The following CDC42SE2 variants were observed in gnomAD, a reference collection of about 807,000 sequenced individuals.
CDC42SE2 encodes CDC42 small effector protein 2.
In CDC42SE2, 3 loss-of-function variants were observed where a neutral mutation model predicts 11.5. That is an observed-to-expected ratio of 0.26 (90% confidence interval 0.12 to 0.67). The LOEUF (loss-of-function observed/expected upper bound fraction) is 0.67. CDC42SE2 is among the 30% of genes least tolerant of loss of function. The pLI, the probability that CDC42SE2 is intolerant of heterozygous loss-of-function variation, is 0.80. For synonymous variants in CDC42SE2, 33 were observed against 34.8 expected, an observed-to-expected ratio of 0.95 and a Z score of 0.18; for missense variants, 82 against 106.8, an observed-to-expected ratio of 0.77 and a Z score of 1.02.
At chr5:131,269,038 C>T (rs1238126830) in intron 1 of CDC42SE2, among the ~76,000 whole-genome samples, 2 of 152,070 alleles carry the variant, frequency 1.3e-5, no homozygotes, top group Non-Finnish European at 2.9e-5. Context: ...CGTGAGCCAC[C>T]GTGCCAGGCG....
At chr5:131,240,260 G>A in the CDC42SE2 span, among the ~76,000 whole-genome samples, 249 of 152,152 alleles carry the variant, frequency 1.6e-3, 1 homozygote, top group African/African-American at 5.8e-3. Context: ...TTCCATTCTA[G>A]TCATTCATTC....
intron 2 of CDC42SE2, among the ~76,000 whole-genome samples, chr5:131,320,887 T>A (rs1020616197): frequency 6.6e-6 from 1 of 152,206 alleles, no homozygotes; most frequent in East Asian, 1.9e-4. Context: ...AGAAAATTAT[T>A]TTTTTTCTTT....
At chr5:131,272,124 C>T (rs1175130734) in intron 1 of CDC42SE2, among the ~76,000 whole-genome samples, 1 of 152,100 alleles carries the variant, frequency 6.6e-6, no homozygotes, top group Non-Finnish European at 1.5e-5. Flanking sequence ...GATTCTCCTG[C>T]CTCAGCCTCC....
At chr5:131,297,769 A>T (rs1444799813) in intron 1 of CDC42SE2, among the ~76,000 whole-genome samples, 1 of 151,842 alleles carries the variant, frequency 6.6e-6, no homozygotes, top group Non-Finnish European at 1.5e-5. Flanking sequence ...TATAAAAATT[A>T]TAAAAGTTAC....
chr5:131,351,345 C>G (rs972517274), intron 2 of CDC42SE2, among the ~76,000 whole-genome samples: 1 of 152,106 alleles, frequency 6.6e-6, no homozygotes, highest in African/African-American at 2.4e-5. Flanking sequence ...AGCTTTGCCT[C>G]CCGGGTTCAC....
chr5:131,239,748 G>A, the CDC42SE2 span, among the ~76,000 whole-genome samples: 1 of 152,102 alleles, frequency 6.6e-6, no homozygotes, highest in Admixed American at 6.5e-5. Context: ...TCACCATAGG[G>A]GTAGAATAAA....
At chr5:131,330,545 C>T (rs988167323) in intron 2 of CDC42SE2, among the ~76,000 whole-genome samples, 1 of 152,050 alleles carries the variant, frequency 6.6e-6, no homozygotes, top group Admixed American at 6.6e-5. Context: ...TATTTTTCCC[C>T]ATGACAGTGG....
At chr5:131,261,864 A>C (rs1002025531), upstream of CDC42SE2, among the ~76,000 whole-genome samples, 33 of 152,116 alleles carry the variant, frequency 2.2e-4, no homozygotes, top group African/African-American at 8.0e-4. Context: ...GTCTCAAAAA[A>C]AAAAAAAAAA....
At chr5:131,244,219 A>G (rs1476011094), upstream of CDC42SE2, among the ~76,000 whole-genome samples, 1 of 152,240 alleles carries the variant, frequency 6.6e-6, no homozygotes, top group East Asian at 1.9e-4. Context: ...ATGTAACTAC[A>G]AATACGATTA....
chr5:131,273,526 T>A (rs1757037144), intron 1 of CDC42SE2, among the ~76,000 whole-genome samples: 1 of 150,356 alleles, frequency 6.7e-6, no homozygotes, highest in African/African-American at 2.4e-5. Context: ...ATCCCAGCAC[T>A]TTGGGAGGCT....
upstream of CDC42SE2, among the ~76,000 whole-genome samples, chr5:131,260,375 C>T (rs1756713560): frequency 1.3e-5 from 2 of 152,182 alleles, no homozygotes; most frequent in East Asian, 3.8e-4. Context: ...GTAATCCCAG[C>T]GCTTTGGGAG....
Position 131,285,051 on chromosome 5 carries a change from G to T in CDC42SE2, c.-455+20885G>T, listed in dbSNP as rs1757312882. 2.0e-5 allele frequency among the ~76,000 whole-genome samples: 3 copies of T among 151,688 alleles called. No individual in the cohort carries two copies. In the South Asian group the frequency reaches 6.2e-4, roughly 32 times the overall value. On this transcript the variant is annotated intron_variant, in intron 1 of 4. Transcript: ENST00000505065. The stretch of plus-strand genomic sequence containing the variant: ...TCCTGTAATCCCAGCACTTTGGGAG[G>T]ACAAGGTGGGAGGATTGCTTGAGCC...
chr5:131,363,278 A>G (rs1490371458), intron 3 of CDC42SE2, among the ~76,000 whole-genome samples: 1 of 152,028 alleles, frequency 6.6e-6, no homozygotes, highest in Non-Finnish European at 1.5e-5. Context: ...AAAAAAAAAA[A>G]AAGCCACTTT....
the CDC42SE2 span, among the ~76,000 whole-genome samples, chr5:131,232,699 A>T: frequency 7.1e-6 from 1 of 141,228 alleles, no homozygotes; most frequent in Non-Finnish European, 1.5e-5. Context: ...ATGCCACTGC[A>T]CTCCAGCCTG....
At chr5:131,284,909 A>C (rs544571050) in intron 1 of CDC42SE2, among the ~76,000 whole-genome samples, 6 of 152,250 alleles carry the variant, frequency 3.9e-5, no homozygotes, top group Non-Finnish European at 7.4e-5. Flanking sequence ...AGTCCCAGCT[A>C]CATGGGAGGC....
chr5:131,333,845 A>T (rs1295561519), intron 2 of CDC42SE2, among the ~76,000 whole-genome samples: 1 of 152,210 alleles, frequency 6.6e-6, no homozygotes, highest in Non-Finnish European at 1.5e-5. Flanking sequence ...GTTGCTTATC[A>T]GCTTAAGGAG....
chr5:131,293,553 C>T (rs909768241), intron 1 of CDC42SE2, among the ~76,000 whole-genome samples: 6 of 136,720 alleles, frequency 4.4e-5, no homozygotes, highest in South Asian at 2.4e-4. Context: ...GCCTGGGTGA[C>T]GAGAGCAAAA....
chr5:131,317,314 A>G lies in CDC42SE2; in HGVS notation c.-286+1170A>G, dbSNP rs184779678. ...CCTTTATGTTTGAGTATTGGCTTTCAATCTAATAAATGGAATTTCACTTTC... is the reference window on the plus strand; with the variant it reads ...CCTTTATGTTTGAGTATTGGCTTTCGATCTAATAAATGGAATTTCACTTTC... On this transcript the variant is annotated intron_variant, in intron 2 of 4. Coordinates refer to ENST00000505065, the MANE Select transcript of CDC42SE2 (RefSeq NM_001375635.1). 1.5e-3 allele frequency among the ~76,000 whole-genome samples: 236 copies of G among 152,304 alleles called. 1 individual carries two copies. Among genetic ancestry groups the G allele is most frequent in the African/African-American group, 5.4e-3 (223 of 41,558 alleles).
chr5:131,276,115 T>C (rs939015897), intron 1 of CDC42SE2, among the ~76,000 whole-genome samples: 9 of 151,526 alleles, frequency 5.9e-5, no homozygotes, highest in Non-Finnish European at 1.0e-4. Context: ...TTTTTTTTTT[T>C]CCTGAGCTGT....
Sources: allele counts gnomAD v4.1 joint callset (sites outside exome capture counted in the v4.1 genomes callset), GRCh38; gene constraint gnomAD v4.1.1; transcripts MANE v1.5; gene names NCBI Gene and HGNC (gene_info 2026-07-23, HGNC 2026-07-21).